Variants in CNBD2 observed in about 807,000 individuals in gnomAD.
CNBD2 encodes cyclic nucleotide-binding domain-containing protein 2.
Under a neutral mutation model 63.7 loss-of-function variants are expected in CNBD2, and 64 were observed. The observed-to-expected ratio is 1.00, with a 90% CI of 0.82 to 1.24. The LOEUF (loss-of-function observed/expected upper bound fraction) is 1.24, where lower values mean the gene tolerates loss of function less well. Ranked by LOEUF, CNBD2 falls within the 50% of genes most tolerant of loss-of-function variation. The pLI, the probability that CNBD2 is intolerant of heterozygous loss-of-function variation, is 0.00. For synonymous variants in CNBD2, 229 were observed against 255.4 expected (o/e 0.90, Z 0.99); for missense variants, 691 against 713.5 (o/e 0.97, Z 0.36).
chr20:35,971,151 G>T (rs943579448), intron 1 of CNBD2, among the ~76,000 whole-genome samples: 6 of 150,836 alleles, frequency 4.0e-5, no homozygotes, highest in African/African-American at 9.7e-5. Context: ...GTTTCACCGT[G>T]TTAGCCGGGA....
chr20:36,028,070 T>C (rs1048697165), intron 11 of CNBD2, among the ~76,000 whole-genome samples: 2 of 152,202 alleles, frequency 1.3e-5, no homozygotes, highest in Admixed American at 6.5e-5. Context: ...CGGTTCCTTC[T>C]GGTTCAAGGA....
At chr20:35,975,322 A>G (rs1459711463) in intron 2 of CNBD2, among the ~76,000 whole-genome samples, 2 of 110,534 alleles carry the variant, frequency 1.8e-5, no homozygotes, top group East Asian at 4.7e-4. Flanking sequence ...ATTTTTTGAG[A>G]TGGAGTCTTG....
chr20:36,004,714 C>A (rs894212460), intron 8 of CNBD2, among the ~76,000 whole-genome samples: 7 of 152,036 alleles, frequency 4.6e-5, no homozygotes, highest in African/African-American at 1.4e-4. Flanking sequence ...AGGCATGAGC[C>A]ACCACACCCA....
At chr20:36,009,725 G>A (rs912757772) in intron 9 of CNBD2, among the ~76,000 whole-genome samples, 1 of 151,996 alleles carries the variant, frequency 6.6e-6, no homozygotes, top group Non-Finnish European at 1.5e-5. Flanking sequence ...CCAGCTACTT[G>A]GGAGGCTGAG....
intron 6 of CNBD2, among the ~76,000 whole-genome samples, chr20:35,986,005 A>G (rs1053310130): frequency 2.0e-5 from 3 of 152,266 alleles, no homozygotes; most frequent in Non-Finnish European, 2.9e-5. Flanking sequence ...TGAGTCAGAA[A>G]GTAAGCACCG....
intron 1 of CNBD2, among the ~76,000 whole-genome samples, chr20:35,970,950 CT>C (rs539363959): frequency 0.061 from 8,321 of 136,594 alleles, 301 homozygotes; most frequent in African/African-American, 0.14. Flanking sequence ...TTTTCTTTTT[CT>C]TTTTTTTTTT....
chr20:35,972,516 C>G, intron 1 of CNBD2, 113 bp from the exon 2 acceptor site: 1 of 988,364 alleles, frequency 1.0e-6, no homozygotes, highest in Admixed American at 1.9e-5. Context: ...CACACTACAG[C>G]ACACTACTGC....
At chr20:35,986,428 TG>T (rs2056668455) in intron 6 of CNBD2, among the ~76,000 whole-genome samples, 1 of 152,114 alleles carries the variant, frequency 6.6e-6, no homozygotes, top group Non-Finnish European at 1.5e-5. Flanking sequence ...CATTTCTCTG[TG>T]TTTTAGCCTC....
At chr20:36,004,215 A>C (rs2056953885) in intron 8 of CNBD2, among the ~76,000 whole-genome samples, 1 of 152,198 alleles carries the variant, frequency 6.6e-6, no homozygotes, top group African/African-American at 2.4e-5. Flanking sequence ...GGTGGGGTTC[A>C]CTGGTGGCCA....
chr20:35,965,387 G>A (rs908157876), upstream of CNBD2, among the ~76,000 whole-genome samples: 1 of 151,954 alleles, frequency 6.6e-6, no homozygotes, highest in African/African-American at 2.4e-5. Flanking sequence ...CATGTTGGAC[G>A]AGCTGGCCTT....
chr20:36,014,284 T>A (rs1448430754), intron 10 of CNBD2, among the ~76,000 whole-genome samples: 1 of 151,724 alleles, frequency 6.6e-6, no homozygotes, highest in Non-Finnish European at 1.5e-5. Flanking sequence ...CTTCCAGCAA[T>A]GAGCACACTT....
chr20:35,958,361 G>A (rs1464083060), downstream of CNBD2, among the ~76,000 whole-genome samples: 2 of 152,170 alleles, frequency 1.3e-5, no homozygotes, highest in Non-Finnish European at 2.9e-5. Flanking sequence ...GAACCCGGGA[G>A]GCAGAGGTTG....
At chr20:35,978,963 A>T (rs1210039525) in intron 3 of CNBD2, among the ~76,000 whole-genome samples, 2 of 152,188 alleles carry the variant, frequency 1.3e-5, no homozygotes, top group Admixed American at 6.5e-5. Context: ...AATATGTGTT[A>T]TTTCTAAAAA....
rs928608673 is a variant in CNBD2 at position 35,986,335 on chromosome 20, T to G, written c.717-1060T>G. Among the ~76,000 whole-genome samples the G allele has an allele frequency of 3.9e-5, 6 of 152,142 alleles. No homozygotes were observed. In the East Asian group the frequency reaches 9.6e-4, roughly 24 times the overall value. On this transcript the variant is annotated intron_variant, in intron 6 of 11. Coordinates refer to ENST00000373973, the MANE Select transcript of CNBD2 (RefSeq NM_001365709.1). ...TAGTCCTAAAGGGAGGAGCTGTTTT[T>G]TTTTTCCATACTGTGGAAAAATAGG...
intron 8 of CNBD2, among the ~76,000 whole-genome samples, chr20:35,996,420 A>C (rs116801384): frequency 0.04 from 6,096 of 151,966 alleles, 265 homozygotes; most frequent in African/African-American, 0.11. Flanking sequence ...AATAACAGTG[A>C]TCATTTATTG....
chr20:35,959,235 A>T (rs1002826552), downstream of CNBD2, among the ~76,000 whole-genome samples: 1 of 152,204 alleles, frequency 6.6e-6, no homozygotes, highest in African/African-American at 2.4e-5. Context: ...TCATTTTTTT[A>T]AAACCGATGG....
At chr20:35,984,599 A>ACTTGCC (rs1275704564) in intron 5 of CNBD2, 28 bp from the exon 6 acceptor site, 2 of 1,610,372 alleles carry the variant, frequency 1.2e-6, no homozygotes, top group South Asian at 1.1e-5. Flanking sequence ...GTGGCCTCAC[A>ACTTGCC]CTTGCCCTTG....
chr20:35,976,467 G>A (rs575643876), intron 3 of CNBD2, among the ~76,000 whole-genome samples: 7 of 152,252 alleles, frequency 4.6e-5, no homozygotes, highest in Admixed American at 1.3e-4. Flanking sequence ...CAGGTGCAGC[G>A]CAGCTGTTGA....
intron 8 of CNBD2, among the ~76,000 whole-genome samples, chr20:36,001,656 C>A (rs570696762): frequency 6.7e-6 from 1 of 149,250 alleles, no homozygotes; most frequent in Non-Finnish European, 1.5e-5. Flanking sequence ...GGTTGCCAGG[C>A]GGAGGGTCTC....
Sources: gnomAD v4.1 joint callset for allele counts (sites outside exome capture counted in the v4.1 genomes callset) on GRCh38, gnomAD v4.1.1 for gene constraint, MANE v1.5 for transcripts, NCBI Gene and HGNC (gene_info 2026-07-23, HGNC 2026-07-21) for gene names.